ROBO2: variants seen among roughly 807,000 people sequenced by gnomAD.
ROBO2 encodes the protein roundabout guidance receptor 2, also known as roundabout homolog 2.
In ROBO2, 53 loss-of-function variants were observed where a neutral mutation model predicts 160.8. The observed-to-expected ratio is 0.33, with a 90% CI of 0.26 to 0.41. The LOEUF (loss-of-function observed/expected upper bound fraction) is 0.41. Among genes scored for constraint, ROBO2 ranks in the 10% least tolerant of loss-of-function variants. ROBO2 has a pLI of 1.00. For missense variants in ROBO2, 1,577 were observed against 1,722.4 expected (o/e 0.92, Z 1.49); for synonymous variants, 664 against 611.7 (o/e 1.09, Z -1.26).
chr3:77,108,266 A>T, intron 2 of ROBO2, among the ~76,000 whole-genome samples: 1 of 118,592 alleles, frequency 8.4e-6, no homozygotes, highest in South Asian at 2.7e-4. Context: ...ATATGTATAC[A>T]CATATGCATA....
At chr3:76,046,431 C>A (rs964103452) in intron 2 of ROBO2, among the ~76,000 whole-genome samples, 2 of 151,924 alleles carry the variant, frequency 1.3e-5, no homozygotes, top group Admixed American at 1.3e-4. Context: ...GGGTGGATCA[C>A]AAGGTCAGGA....
intron 2 of ROBO2, among the ~76,000 whole-genome samples, chr3:76,515,844 A>T (rs991901115): frequency 6.6e-6 from 1 of 152,176 alleles, no homozygotes; most frequent in African/African-American, 2.4e-5. Context: ...TAGAAAACCT[A>T]AACTGTTTTC....
intron 2 of ROBO2, among the ~76,000 whole-genome samples, chr3:76,416,625 G>GT (rs1005469030): frequency 3.9e-5 from 6 of 152,088 alleles, no homozygotes; most frequent in Non-Finnish European, 8.8e-5. Context: ...GCACTAAGAT[G>GT]TTTATCTCTT....
chr3:76,277,367 G>C (rs182726676), intron 2 of ROBO2, among the ~76,000 whole-genome samples: 11 of 152,082 alleles, frequency 7.2e-5, no homozygotes, highest in African/African-American at 2.6e-4. Flanking sequence ...CAAGGTTACA[G>C]TATACTGTGT....
intron 2 of ROBO2, among the ~76,000 whole-genome samples, chr3:77,322,450 A>G (rs1344891098): frequency 1.3e-5 from 2 of 152,048 alleles, no homozygotes. Flanking sequence ...GTCAGTCCTA[A>G]TTGGGAGTGG....
chr3:77,310,730 T>C (rs2063474091), intron 2 of ROBO2, among the ~76,000 whole-genome samples: 1 of 152,018 alleles, frequency 6.6e-6, no homozygotes, highest in African/African-American at 2.4e-5. Flanking sequence ...TCCTAATAGA[T>C]GAAACATAAT....
At chr3:76,980,856 C>A (rs933147213) in intron 2 of ROBO2, among the ~76,000 whole-genome samples, 4 of 152,108 alleles carry the variant, frequency 2.6e-5, no homozygotes, top group Non-Finnish European at 4.4e-5. Flanking sequence ...CCCTCCCCAG[C>A]CTTAGGCAAC....
At chr3:76,451,612 G>A (rs1255835774) in intron 2 of ROBO2, among the ~76,000 whole-genome samples, 1 of 152,106 alleles carries the variant, frequency 6.6e-6, no homozygotes, top group Non-Finnish European at 1.5e-5. Context: ...CTCCTACTCT[G>A]CAAAGAATTT....
chr3:77,315,781 A>G (rs1460575747), intron 2 of ROBO2, among the ~76,000 whole-genome samples: 1 of 152,204 alleles, frequency 6.6e-6, no homozygotes, highest in Non-Finnish European at 1.5e-5. Context: ...AAGCTGATTT[A>G]AAAAAGAAAG....
chr3:77,439,865 C>T (rs1038811033), intron 2 of ROBO2, among the ~76,000 whole-genome samples: 2 of 152,070 alleles, frequency 1.3e-5, no homozygotes, highest in Non-Finnish European at 2.9e-5. Context: ...TTCCAGACAC[C>T]TCATACATAT....
At chr3:76,070,856 A>T (rs2068432154) in intron 2 of ROBO2, among the ~76,000 whole-genome samples, 2 of 152,166 alleles carry the variant, frequency 1.3e-5, no homozygotes, top group Admixed American at 6.5e-5. Context: ...AGATTCCCCA[A>T]TAAAGAGGGC....
intron 2 of ROBO2, among the ~76,000 whole-genome samples, chr3:76,519,398 T>C (rs1002617101): frequency 6.6e-6 from 1 of 152,150 alleles, no homozygotes; most frequent in African/African-American, 2.4e-5. Context: ...ATTAAGACAT[T>C]TGCACAGGTA....
intron 2 of ROBO2, among the ~76,000 whole-genome samples, chr3:76,979,352 C>T (rs988457141): frequency 6.6e-6 from 1 of 152,030 alleles, no homozygotes; most frequent in Non-Finnish European, 1.5e-5. Flanking sequence ...AATTTCTCAT[C>T]CCTCAGCTCC....
At chr3:76,731,864 G>C (rs1220977018) in intron 2 of ROBO2, among the ~76,000 whole-genome samples, 3 of 152,102 alleles carry the variant, frequency 2.0e-5, no homozygotes, top group Admixed American at 2.0e-4. Flanking sequence ...AAATACTTCA[G>C]GGAAATATCA....
chr3:76,641,766 G>A (rs1036107040), intron 2 of ROBO2, among the ~76,000 whole-genome samples: 3 of 152,094 alleles, frequency 2.0e-5, no homozygotes, highest in African/African-American at 7.2e-5. Flanking sequence ...TAGAGACAGA[G>A]TCCTCTCTAT....
intron 2 of ROBO2, among the ~76,000 whole-genome samples, chr3:76,019,545 G>A (rs769163592): frequency 4.6e-5 from 7 of 151,524 alleles, no homozygotes; most frequent in Non-Finnish European, 1.0e-4. Flanking sequence ...AGTTTTCTCT[G>A]AAGTTCCGTG....
At chr3:76,338,065 A>G (rs1179130408) in intron 2 of ROBO2, among the ~76,000 whole-genome samples, 1 of 152,148 alleles carries the variant, frequency 6.6e-6, no homozygotes, top group Non-Finnish European at 1.5e-5. Flanking sequence ...CTCAAGAGAA[A>G]TATTTGACAT....
intron 2 of ROBO2, among the ~76,000 whole-genome samples, chr3:77,206,432 T>C (rs953143534): frequency 6.6e-6 from 1 of 152,030 alleles, no homozygotes; most frequent in Non-Finnish European, 1.5e-5. Flanking sequence ...CCTCCTATAG[T>C]GCTGGGATGA....
intron 2 of ROBO2, among the ~76,000 whole-genome samples, chr3:76,895,885 A>C (rs2148843329): frequency 6.6e-6 from 1 of 152,258 alleles, no homozygotes; most frequent in South Asian, 2.1e-4. Flanking sequence ...ACTTTGCAAA[A>C]CGGCACTGCT....
Sources: allele counts gnomAD v4.1 joint callset (sites outside exome capture counted in the v4.1 genomes callset), GRCh38; gene constraint gnomAD v4.1.1; transcripts MANE v1.5; gene names NCBI Gene and HGNC (gene_info 2026-07-23, HGNC 2026-07-21).